Variants in TMEM132C observed in about 807,000 individuals in gnomAD.
TMEM132C encodes the protein protein phosphatase 1, regulatory subunit 152.
A neutral mutation model predicts 61.4 loss-of-function variants in TMEM132C; 29 were observed. That is an observed-to-expected ratio of 0.47 (90% confidence interval 0.35 to 0.64). The LOEUF (loss-of-function observed/expected upper bound fraction) is 0.64, where lower values mean the gene tolerates loss of function less well. Among genes scored for constraint, TMEM132C ranks in the 30% least tolerant of loss-of-function variants. The pLI is 0.00. For missense variants in TMEM132C, 1,408 were observed against 1,476.9 expected (o/e 0.95, Z 0.76); for synonymous variants, 656 against 633.1 (o/e 1.04, Z -0.54).
chr12:128,298,108 C>T (rs991116548), intron 1 of TMEM132C, among the ~76,000 whole-genome samples: 4 of 152,174 alleles, frequency 2.6e-5, no homozygotes, highest in African/African-American at 9.7e-5. Flanking sequence ...ATTTTATCTC[C>T]TCTCCTTCTG....
chr12:128,630,531 T>C lies in TMEM132C; in HGVS notation c.1305+14196T>C, dbSNP rs1335979091. 2.0e-5 allele frequency among the ~76,000 whole-genome samples: 3 copies of C among 152,114 alleles called. No homozygotes were observed. Among genetic ancestry groups the C allele is most frequent in the Admixed American group, 2.0e-4 (3 of 15,268 alleles). ...CTAAAAGAGCAACCTGGAACCCCTC[T>C]GAGCTTTCCCCACTCCCTTTGCAGT... On this transcript the variant is annotated intron_variant, in intron 4 of 8. Transcript: ENST00000435159. This position sits in a 1 kb window ranked among gnomAD's most constrained non-coding sequence, Gnocchi z 4.3.
intron 1 of TMEM132C, among the ~76,000 whole-genome samples, chr12:128,404,126 G>A (rs989528852): frequency 6.6e-6 from 1 of 152,148 alleles, no homozygotes; most frequent in African/African-American, 2.4e-5. Flanking sequence ...CCTTAACCCT[G>A]ACTTAGATGC....
At chr12:128,354,551 C>T (rs1873441107) in intron 1 of TMEM132C, among the ~76,000 whole-genome samples, 1 of 151,770 alleles carries the variant, frequency 6.6e-6, no homozygotes, top group Non-Finnish European at 1.5e-5. Flanking sequence ...CCCCACCTCT[C>T]TCTTCCTTCT....
chr12:128,406,909 T>C (rs1417825839), intron 1 of TMEM132C, among the ~76,000 whole-genome samples: 1 of 152,222 alleles, frequency 6.6e-6, no homozygotes, highest in Non-Finnish European at 1.5e-5. Flanking sequence ...CAGGAGATCT[T>C]GGGCAACATT....
chr12:128,382,249 C>T (rs1355487835), intron 1 of TMEM132C, among the ~76,000 whole-genome samples: 10 of 151,926 alleles, frequency 6.6e-5, no homozygotes, highest in African/African-American at 1.9e-4. Context: ...GCATTTTTTT[C>T]CCTGAGTTTT....
intron 4 of TMEM132C, among the ~76,000 whole-genome samples, chr12:128,652,623 G>A (rs1240653772): frequency 1.3e-5 from 2 of 152,222 alleles, no homozygotes; most frequent in Non-Finnish European, 2.9e-5. Context: ...TCCGGGAAAC[G>A]GGCCCAGGAC....
Position 128,441,554 on chromosome 12 carries a change from C to T in TMEM132C, c.974+25934C>T, listed in dbSNP as rs115216890. On this transcript the variant is annotated intron_variant, in intron 2 of 8. Transcript: ENST00000435159. ...ACATATGGGAGACTCGGTGGCATGC[C>T]GAGATACTTTGTGTCCCCTGCAGTC... 4.6e-3 allele frequency among the ~76,000 whole-genome samples: 693 copies of T among 152,246 alleles called. 2 individuals carry two copies. The highest frequency in any genetic ancestry group is 0.015 in the African/African-American group (639 of 41,542).
At chr12:128,594,224 G>A (rs1392788440) in intron 3 of TMEM132C, among the ~76,000 whole-genome samples, 1 of 152,024 alleles carries the variant, frequency 6.6e-6, no homozygotes, top group Admixed American at 6.6e-5. Flanking sequence ...ACCCCAGGGG[G>A]GCGCCACATA....
At chr12:128,511,976 C>T (rs751016557) in intron 2 of TMEM132C, among the ~76,000 whole-genome samples, 2 of 152,184 alleles carry the variant, frequency 1.3e-5, no homozygotes, top group Non-Finnish European at 2.9e-5. Context: ...AGGCCCAGTC[C>T]CTCTCTGGCC....
At chr12:128,458,210 A>G (rs1436951065) in intron 2 of TMEM132C, among the ~76,000 whole-genome samples, 1 of 148,032 alleles carries the variant, frequency 6.8e-6, no homozygotes, top group East Asian at 1.9e-4. Context: ...TTATAATTAT[A>G]TAATTATAAT....
chr12:128,496,727 C>T (rs563869128), intron 2 of TMEM132C, among the ~76,000 whole-genome samples: 1 of 152,294 alleles, frequency 6.6e-6, no homozygotes, highest in African/African-American at 2.4e-5. Flanking sequence ...TCTAGTTAGC[C>T]ATTCATCTAA....
At chr12:128,435,393 A>G (rs1356670830) in intron 2 of TMEM132C, among the ~76,000 whole-genome samples, 1 of 152,220 alleles carries the variant, frequency 6.6e-6, no homozygotes, top group Non-Finnish European at 1.5e-5. Flanking sequence ...TTGGATATTT[A>G]GAAAATGCCA....
intron 3 of TMEM132C, among the ~76,000 whole-genome samples, chr12:128,583,641 A>G (rs1696053351): frequency 6.6e-6 from 1 of 152,164 alleles, no homozygotes; most frequent in Non-Finnish European, 1.5e-5. Context: ...GCTGGACCCT[A>G]GAGGACAGGA....
intron 2 of TMEM132C, among the ~76,000 whole-genome samples, chr12:128,510,487 T>G (rs947360238): frequency 6.6e-6 from 1 of 152,190 alleles, no homozygotes; most frequent in Non-Finnish European, 1.5e-5. Context: ...CTAAGGCCTC[T>G]CAAGCCCGCA....
intron 4 of TMEM132C, among the ~76,000 whole-genome samples, chr12:128,638,438 T>C (rs1954119266): frequency 6.6e-6 from 1 of 152,220 alleles, no homozygotes; most frequent in African/African-American, 2.4e-5. Flanking sequence ...GAGTTTCATT[T>C]CCACAGTGAT....
Position 128,330,244 on chromosome 12 carries a change from C to T in TMEM132C, c.85+62757C>T, listed in dbSNP as rs78724768. Among the ~76,000 whole-genome samples, 896 of 152,272 alleles carry T rather than the reference C, an allele frequency of 5.9e-3. 10 individuals are homozygous for T. Among genetic ancestry groups the T allele is most frequent in the African/African-American group, 0.02 (843 of 41,548 alleles). ...CACATAAAGCCCCAGTCACAACAGC[C>T]CACATCATGTTCTCTTTACACTTCT... On this transcript the variant is annotated intron_variant, in intron 1 of 8. Coordinates refer to ENST00000435159, the MANE Select transcript of TMEM132C (RefSeq NM_001136103.3).
At chr12:128,613,564 A>G (rs1439613240) in intron 3 of TMEM132C, among the ~76,000 whole-genome samples, 3 of 152,184 alleles carry the variant, frequency 2.0e-5, no homozygotes, top group Non-Finnish European at 4.4e-5. Context: ...TGAGATTTGC[A>G]GCCCCTAGCT....
intron 3 of TMEM132C, among the ~76,000 whole-genome samples, chr12:128,547,379 C>A (rs1383652259): frequency 2.1e-5 from 3 of 145,100 alleles, no homozygotes; most frequent in Non-Finnish European, 4.5e-5. Flanking sequence ...CATTGTGAAA[C>A]CCCATCTCTA....
chr12:128,279,803 C>G (rs959470768), intron 1 of TMEM132C, among the ~76,000 whole-genome samples: 3 of 152,214 alleles, frequency 2.0e-5, no homozygotes, highest in Non-Finnish European at 1.5e-5. Flanking sequence ...TTTCTCTTTG[C>G]ACTTATCACC....
Sources: gnomAD v4.1 joint callset for allele counts (sites outside exome capture counted in the v4.1 genomes callset) on GRCh38, gnomAD v4.1.1 for gene constraint, Gnocchi (gnomAD v3.1) non-coding constraint, MANE v1.5 for transcripts, NCBI Gene and HGNC (gene_info 2026-07-23, HGNC 2026-07-21) for gene names.